The following PCDHGB6 variants were observed in gnomAD, a reference collection of about 807,000 sequenced individuals.
PCDHGB6 encodes protocadherin gamma subfamily B, 6.
A neutral mutation model predicts 59.1 loss-of-function variants in PCDHGB6; 51 were observed. The ratio of observed to expected loss-of-function variants is 0.86; its 90% CI spans 0.69 to 1.09. The LOEUF is 1.09. PCDHGB6 is among the 50% of genes least tolerant of loss of function. PCDHGB6 has a pLI of 0.00. For synonymous variants in PCDHGB6, 466 were observed against 495.1 expected (o/e 0.94, Z 0.78); for missense variants, 1,148 against 1,205.1 (o/e 0.95, Z 0.70).
At chr5:141,458,567 TTTTGTTTG>T (rs144471304) in intron 1 of PCDHGB6, among the ~76,000 whole-genome samples, 1 of 151,488 alleles carries the variant, frequency 6.6e-6, no homozygotes, top group Non-Finnish European at 1.5e-5. Flanking sequence ...GGTTTTGGGT[TTTTGTTTG>T]TTTGTTTGTT....
chr5:141,504,077 G>A (rs939470644), intron 2 of PCDHGB6, among the ~76,000 whole-genome samples: 3 of 152,124 alleles, frequency 2.0e-5, no homozygotes, highest in Non-Finnish European at 2.9e-5. Context: ...GCCAGATGGT[G>A]CCAAACAGTT....
chr5:141,506,666 C>A (rs894880559), intron 3 of PCDHGB6, among the ~76,000 whole-genome samples: 2 of 152,120 alleles, frequency 1.3e-5, no homozygotes, highest in South Asian at 4.1e-4. Context: ...AGAGTAAGGG[C>A]ACAATATATT....
At chr5:141,446,697 C>T (rs1254994356) in intron 1 of PCDHGB6, among the ~76,000 whole-genome samples, 9 of 152,134 alleles carry the variant, frequency 5.9e-5, no homozygotes, top group Admixed American at 5.9e-4. Context: ...AGGCTGGTCT[C>T]GAACTCTGAT....
intron 1 of PCDHGB6, chr5:141,422,006 C>G: frequency 6.2e-7 from 1 of 1,609,754 alleles, no homozygotes; most frequent in Non-Finnish European, 8.5e-7. Flanking sequence ...AGCTCCGGAA[C>G]TCGGGTGCTG....
At chr5:141,419,570 G>A (rs751047365) in intron 1 of PCDHGB6, 3 of 1,611,764 alleles carry the variant, frequency 1.9e-6, no homozygotes, top group Non-Finnish European at 2.5e-6. Flanking sequence ...GGGTCCCGAC[G>A]GCTCCGCGCT....
Position 141,477,202 on chromosome 5 carries a change from C to G in PCDHGB6, c.2419-17605C>G. 1 of 1,614,182 alleles carries G rather than the reference C, an allele frequency of 6.2e-7. No homozygotes were observed. The highest frequency in any genetic ancestry group is 1.1e-5 in the South Asian group (1 of 91,074). On this transcript the variant is annotated intron_variant, in intron 1 of 3. Transcript: ENST00000520790. This position sits in a 1 kb window ranked among gnomAD's most constrained non-coding sequence, Gnocchi z 4.9. ...TCACCTCCGTGTACAGCCCAGTACC[C>G]GAGGATGCCCCTCTGGGGACTGTCA...
At chr5:141,413,179 G>C in intron 1 of PCDHGB6, 1 of 1,602,658 alleles carries the variant, frequency 6.2e-7, no homozygotes. Context: ...GACTACAATG[G>C]CCGCTCAAAG....
rs565813908 is a variant in PCDHGB6 at position 141,503,968 on chromosome 5, G to A, written c.2478-1425G>A. Among the ~76,000 whole-genome samples, 14 of 152,182 alleles carry A rather than the reference G, an allele frequency of 9.2e-5. No homozygotes were observed. The South Asian group carries it at 2.7e-3, about 29-fold the overall frequency. ...GGCCTACCCTACAGCCTTTCCCATG[G>A]TGCCAAACCCTTCTTCTTACCTTAC... On this transcript the variant is annotated intron_variant, in intron 2 of 3. Transcript: ENST00000520790.
chr5:141,435,745 A>T (rs2097777848), intron 1 of PCDHGB6, among the ~76,000 whole-genome samples: 1 of 152,184 alleles, frequency 6.6e-6, no homozygotes, highest in African/African-American at 2.4e-5. Context: ...TTTGAAAAGC[A>T]TTGCTTGATT....
chr5:141,414,938 C>G (rs1407853248), intron 1 of PCDHGB6: 1 of 1,614,116 alleles, frequency 6.2e-7, no homozygotes, highest in Admixed American at 1.7e-5. Flanking sequence ...TCCGCAGAGC[C>G]CGGCTACCTG....
At chr5:141,418,441 A>T in intron 1 of PCDHGB6, 2 of 1,614,000 alleles carry the variant, frequency 1.2e-6, no homozygotes, top group East Asian at 4.5e-5. Flanking sequence ...ATCCAGAATT[A>T]GTATTGCAGA....
rs1177173734 is a variant in PCDHGB6, at chr5:141,491,741, G to T, written c.2419-3066G>T. 1.3e-6 allele frequency: 2 copies of T among 1,595,762 alleles called. No individual in the cohort carries two copies. On this transcript the variant is annotated intron_variant, in intron 1 of 3. Transcript: ENST00000520790. This position sits in a 1 kb window ranked among gnomAD's most constrained non-coding sequence, Gnocchi z 6.9. ...CCGCCCCGGGCGACCCCTGGGGGCG[G>T]CACTGGAGAAGCCGCCCGTCCTCAT... is the stretch of plus-strand genomic sequence containing the variant.
intron 2 of PCDHGB6, among the ~76,000 whole-genome samples, chr5:141,499,796 C>T (rs2099794539): frequency 6.6e-6 from 1 of 150,412 alleles, no homozygotes; most frequent in South Asian, 2.1e-4. Context: ...AAGCAATTCT[C>T]ATGCTTCAGC....
intron 1 of PCDHGB6, chr5:141,428,142 C>A: frequency 6.3e-7 from 1 of 1,594,260 alleles, no homozygotes; most frequent in Non-Finnish European, 8.6e-7. Flanking sequence ...CCTGGGGCTG[C>A]ACACGGGAAC....
At chr5:141,446,860 G>A (rs969206755) in intron 1 of PCDHGB6, among the ~76,000 whole-genome samples, 17 of 152,162 alleles carry the variant, frequency 1.1e-4, no homozygotes, top group African/African-American at 3.9e-4. Flanking sequence ...CTTCCTGATA[G>A]CTCTACACTG....
At chr5:141,450,772 C>T (rs544188262) in intron 1 of PCDHGB6, among the ~76,000 whole-genome samples, 1 of 151,944 alleles carries the variant, frequency 6.6e-6, no homozygotes, top group African/African-American at 2.4e-5. Flanking sequence ...CAGGCATGAG[C>T]CACCGTGCCC....
intron 1 of PCDHGB6, among the ~76,000 whole-genome samples, chr5:141,447,805 G>A (rs1389870133): frequency 2.0e-5 from 3 of 152,064 alleles, no homozygotes; most frequent in Admixed American, 2.0e-4. Context: ...AATAAAATTG[G>A]CTGGGCGTGG....
At chr5:141,435,497 C>T (rs1234443531) in intron 1 of PCDHGB6, among the ~76,000 whole-genome samples, 1 of 152,154 alleles carries the variant, frequency 6.6e-6, no homozygotes, top group African/African-American at 2.4e-5. Context: ...ATTTCCTACA[C>T]TAATGATACT....
intron 1 of PCDHGB6, among the ~76,000 whole-genome samples, chr5:141,482,981 A>T (rs1377809325): frequency 6.7e-6 from 1 of 150,250 alleles, no homozygotes; most frequent in Admixed American, 6.6e-5. Flanking sequence ...GCTACTTGAG[A>T]GGTCGAGGCA....
Sources: gnomAD v4.1 joint callset for allele counts (sites outside exome capture counted in the v4.1 genomes callset) on GRCh38, gnomAD v4.1.1 for gene constraint, Gnocchi (gnomAD v3.1) non-coding constraint, MANE v1.5 for transcripts, NCBI Gene and HGNC (gene_info 2026-07-23, HGNC 2026-07-21) for gene names.